The following TECRL variants were observed in gnomAD, a reference collection of about 807,000 sequenced individuals.
TECRL encodes the protein trans-2,3-enoyl-CoA reductase-like.
Under a neutral mutation model 52.8 loss-of-function variants are expected in TECRL, and 63 were observed. The observed-to-expected ratio is 1.19, with a 90% CI of 0.97 to 1.47. TECRL has a LOEUF of 1.47. TECRL is among the 40% of genes most tolerant of loss of function. TECRL has a pLI of 0.00. For synonymous variants in TECRL, 164 were observed against 141.9 expected (o/e 1.16, Z -1.10); for missense variants, 482 against 429.6 (o/e 1.12, Z -1.08).
At chr4:64,282,616 A>C (rs575899301) in intron 9 of TECRL, among the ~76,000 whole-genome samples, 1 of 152,124 alleles carries the variant, frequency 6.6e-6, no homozygotes, top group Non-Finnish European at 1.5e-5. Context: ...ACTGAATTTC[A>C]GAGGCAGAAG....
intron 1 of TECRL, among the ~76,000 whole-genome samples, chr4:64,407,953 G>A (rs578176132): frequency 5.9e-5 from 9 of 151,342 alleles, no homozygotes; most frequent in African/African-American, 2.2e-4. Flanking sequence ...TATACTCATC[G>A]CTTATATATG....
rs560342021 is a variant in TECRL, at chr4:64,408,023, T to A, written c.234+1095A>T. ...AAAACTGTACAGAAATGGTTTTAGA[T>A]CTTTTAGTTCAATTCATGACCTGTG... On this transcript the variant is annotated intron_variant, in intron 1 of 11. Coordinates refer to ENST00000381210, the MANE Select transcript of TECRL (RefSeq NM_001010874.5). Among the ~76,000 whole-genome samples, 4 of 151,842 alleles carry A rather than the reference T, an allele frequency of 2.6e-5. No homozygotes were observed. The South Asian group carries it at 8.3e-4, about 31-fold the overall frequency.
At chr4:64,397,003 C>G (rs965649358) in intron 1 of TECRL, among the ~76,000 whole-genome samples, 1 of 152,092 alleles carries the variant, frequency 6.6e-6, no homozygotes, top group Admixed American at 6.6e-5. Context: ...ATAACCAAAA[C>G]AGCTTACAAA....
chr4:64,335,489 A>T (rs1429989871), intron 2 of TECRL, among the ~76,000 whole-genome samples: 1 of 152,194 alleles, frequency 6.6e-6, no homozygotes, highest in Non-Finnish European at 1.5e-5. Flanking sequence ...TGTCATAATG[A>T]TAGAAGTAAA....
intron 3 of TECRL, 61 bp downstream of exon 3, chr4:64,328,451 T>C: frequency 7.0e-7 from 1 of 1,434,984 alleles, no homozygotes. Context: ...GAATGTCAGC[T>C]TTTGAAAATA....
intron 7 of TECRL, among the ~76,000 whole-genome samples, chr4:64,301,100 TG>T (rs1184814097): frequency 6.6e-6 from 1 of 150,906 alleles, no homozygotes; most frequent in Non-Finnish European, 1.5e-5. Flanking sequence ...TTGGAAGTCT[TG>T]TTTTTATGAA....
intron 2 of TECRL, among the ~76,000 whole-genome samples, chr4:64,345,554 G>A (rs995442270): frequency 2.7e-4 from 30 of 109,470 alleles, no homozygotes; most frequent in Admixed American, 8.2e-4. Flanking sequence ...CTGTTGTGGG[G>A]TGGGGGGAGG....
intron 2 of TECRL, among the ~76,000 whole-genome samples, chr4:64,338,690 C>T (rs1338152738): frequency 6.6e-6 from 1 of 152,196 alleles, no homozygotes; most frequent in African/African-American, 2.4e-5. Context: ...AAATGTTCAT[C>T]ATCACTGACC....
intron 2 of TECRL, among the ~76,000 whole-genome samples, chr4:64,366,391 A>G (rs970145267): frequency 6.6e-6 from 1 of 152,168 alleles, no homozygotes; most frequent in African/African-American, 2.4e-5. Flanking sequence ...AGCAATTGCA[A>G]CAAAAGCAAT....
chr4:64,312,712 G>A (rs1188559845), intron 5 of TECRL, among the ~76,000 whole-genome samples: 1 of 150,072 alleles, frequency 6.7e-6, no homozygotes, highest in Non-Finnish European at 1.5e-5. Context: ...GCTGCAGTGA[G>A]CCATAATTTG....
chr4:64,404,486 T>G (rs1162761985), intron 1 of TECRL, among the ~76,000 whole-genome samples: 1 of 152,120 alleles, frequency 6.6e-6, no homozygotes, highest in East Asian at 1.9e-4. Flanking sequence ...CTACAATCTC[T>G]TATTTTTAAT....
In TECRL at chr4:64,409,407, T is replaced by G. The variant is rs1724962864; in HGVS notation, c.-56A>C. 5.1e-6 allele frequency: 8 copies of G among 1,582,980 alleles called. No homozygotes were observed. Among genetic ancestry groups the G allele is most frequent in the Non-Finnish European group, 6.9e-6 (8 of 1,164,440 alleles). ...CAAAAGTAGAAAATTGCAAGTGTGT[T>G]CCTTTTGCATCAGTTAAATACTGCT... On this transcript the variant is annotated 5_prime_UTR_variant, in exon 1 of 12. Transcript: ENST00000381210.
chr4:64,375,771 C>T (rs1015002291), intron 1 of TECRL, among the ~76,000 whole-genome samples: 1 of 151,716 alleles, frequency 6.6e-6, no homozygotes, highest in Non-Finnish European at 1.5e-5. Context: ...TCCTTAAGTA[C>T]ATAGTAATTT....
chr4:64,330,914 A>G (rs1357139398), intron 2 of TECRL, among the ~76,000 whole-genome samples: 2 of 152,122 alleles, frequency 1.3e-5, no homozygotes, highest in African/African-American at 4.8e-5. Flanking sequence ...ATAGACACGC[A>G]TATAACTATT....
chr4:64,392,524 G>T (rs1291778679), intron 1 of TECRL, among the ~76,000 whole-genome samples: 1 of 151,856 alleles, frequency 6.6e-6, no homozygotes, highest in Non-Finnish European at 1.5e-5. Context: ...GACATTATCT[G>T]CTTTCCTAGA....
chr4:64,378,472 G>GAGGGGGAACCTGGGTA (rs1722553172), intron 1 of TECRL, among the ~76,000 whole-genome samples: 1 of 151,902 alleles, frequency 6.6e-6, no homozygotes, highest in Non-Finnish European at 1.5e-5. Context: ...GAACCTGGGT[G>GAGGGGGAACCTGGGTA]ACAGAGGGAG....
intron 1 of TECRL, among the ~76,000 whole-genome samples, chr4:64,398,563 C>A (rs973735097): frequency 2.4e-4 from 36 of 152,146 alleles, no homozygotes; most frequent in African/African-American, 8.4e-4. Flanking sequence ...GAGGCCTCCC[C>A]ATAAGCAGGT....
chr4:64,298,301 G>A (rs1723801815), intron 8 of TECRL, among the ~76,000 whole-genome samples: 1 of 151,060 alleles, frequency 6.6e-6, no homozygotes, highest in African/African-American at 2.4e-5. Flanking sequence ...GTCTAATTTA[G>A]CATCTTTGGG....
At chr4:64,343,342 A>T (rs2109538629) in intron 2 of TECRL, among the ~76,000 whole-genome samples, 1 of 152,230 alleles carries the variant, frequency 6.6e-6, no homozygotes, top group South Asian at 2.1e-4. Context: ...AGAAAGGTTT[A>T]TAAACAATTG....
Sources: gnomAD v4.1 joint callset for allele counts (sites outside exome capture counted in the v4.1 genomes callset) on GRCh38, gnomAD v4.1.1 for gene constraint, MANE v1.5 for transcripts, NCBI Gene and HGNC (gene_info 2026-07-23, HGNC 2026-07-21) for gene names.